GBX1: variants seen among roughly 807,000 people sequenced by gnomAD.
GBX1 encodes gastrulation brain homeobox 1, also known as homeobox protein GBX-1.
A neutral mutation model predicts 22.9 loss-of-function variants in GBX1; 9 were observed. The observed-to-expected ratio is 0.39, with a 90% confidence interval of 0.24 to 0.69. GBX1 has a LOEUF of 0.69. GBX1 is among the 30% of genes least tolerant of loss of function. The pLI is 0.43. For synonymous variants in GBX1, 203 were observed against 227.3 expected, an observed-to-expected ratio of 0.89 and a Z score of 0.96; for missense variants, 494 against 509.2, an observed-to-expected ratio of 0.97 and a Z score of 0.29.
At position 151,149,328 on chromosome 7, in the gene GBX1, T is replaced by C. The variant is rs184506455; in HGVS notation, c.539-186A>G. The stretch of plus-strand genomic sequence containing the variant: ...AGGATGGTATGTCCAGGATATGGAA[T>C]GGGAAGAGGTTTAGGGAAAACAAAG... On this transcript the variant is annotated intron_variant, in intron 1 of 1. Coordinates refer to ENST00000297537, the MANE Select transcript of GBX1 (RefSeq NM_001098834.3). Among the ~76,000 whole-genome samples the C allele has an allele frequency of 7.7e-3, 1,170 of 152,048 alleles. 15 individuals are homozygous for C. Among genetic ancestry groups the C allele is most frequent in the African/African-American group, 0.026 (1,073 of 41,462 alleles).
chr7:151,149,787 G>A, intron 1 of GBX1: 1 of 396,656 alleles, frequency 2.5e-6, no homozygotes, highest in South Asian at 1.8e-5. Context: ...TGCAGTCCCT[G>A]AACCTCATTT....
chr7:151,153,519 G>A (rs2150548134), intron 1 of GBX1, among the ~76,000 whole-genome samples: 1 of 151,460 alleles, frequency 6.6e-6, no homozygotes, highest in Admixed American at 6.6e-5. Context: ...ATAAAAATTT[G>A]CTATTGACTA....
At chr7:151,156,984 C>CCA (rs770480086) in intron 1 of GBX1, among the ~76,000 whole-genome samples, 6 of 50,102 alleles carry the variant, frequency 1.2e-4, no homozygotes, top group African/African-American at 3.5e-4. Flanking sequence ...GACTCTGTCT[C>CCA]AAAAAAAAAA....
At position 151,148,691 on chromosome 7, in the gene GBX1, C is replaced by G. The variant is rs766876227; in HGVS notation, c.990G>C (p.Glu330Asp). ...CAACAATCTTGGGGTTTCTTACGGGCTCCCCAGAACGGCTGCTCACATTGC... is the reference window on the plus strand; with the variant it reads ...CAACAATCTTGGGGTTTCTTACGGGGTCCCCAGAACGGCTGCTCACATTGC... ...KAGNVSSRSG[E>D]PVRNPKIVVP... Residue 330 changes from glutamate to aspartate, a missense_variant, in exon 2 of 2, where the codon GAG (glutamate) becomes GAC (aspartate). Coordinates refer to ENST00000297537, the MANE Select transcript of GBX1 (RefSeq NM_001098834.3). This position sits in a 1 kb window ranked among gnomAD's most constrained non-coding sequence, Gnocchi z 5.1. 1 of 1,614,136 alleles carries G rather than the reference C, an allele frequency of 6.2e-7. No individual in the cohort carries two copies. Among genetic ancestry groups the G allele is most frequent in the Non-Finnish European group, 8.5e-7 (1 of 1,180,028 alleles).
intron 1 of GBX1, among the ~76,000 whole-genome samples, chr7:151,160,993 C>T (rs1172216262): frequency 6.6e-6 from 1 of 152,186 alleles, no homozygotes; most frequent in Non-Finnish European, 1.5e-5. Context: ...TCTCATCATT[C>T]CTGTTTAAAT....
chr7:151,157,589 C>G (rs977185926), intron 1 of GBX1, among the ~76,000 whole-genome samples: 2 of 152,030 alleles, frequency 1.3e-5, no homozygotes, highest in African/African-American at 4.8e-5. Context: ...AGCTGAAGGC[C>G]CATTCTTTTC....
rs1398372470 is a variant in GBX1 at position 151,148,988 on chromosome 7, T to C, written c.693A>G (p.Gly231=). The change falls in exon 2 of 2, where the codon GGA becomes GGG. Residue 231 remains glycine, a synonymous_variant. Coordinates refer to ENST00000297537, the MANE Select transcript of GBX1 (RefSeq NM_001098834.3). The surrounding 1 kb of genome is among the most constrained non-coding windows in gnomAD (Gnocchi z 5.1). ...GGCTTCCCTTTAGCTTCGGTTTAGG[T>C]CCCAGAAGAGCCCCTGGGCCCCCTG... The part of the protein sequence containing the change: ...SSAGGPGALL[G]PKPKLKGSLG... The C allele has an allele frequency of 6.2e-7, 1 of 1,613,750 alleles. No homozygotes were observed. Among genetic ancestry groups the C allele is most frequent in the Admixed American group, 1.7e-5 (1 of 59,984 alleles).
At chr7:151,164,638 C>T (rs1471675249) in intron 1 of GBX1, among the ~76,000 whole-genome samples, 1 of 152,272 alleles carries the variant, frequency 6.6e-6, no homozygotes, top group Non-Finnish European at 1.5e-5. Flanking sequence ...AAACCCTTTA[C>T]ATGTATCTCC....
chr7:151,149,596 G>A (rs1282001037), intron 1 of GBX1, among the ~76,000 whole-genome samples: 1 of 152,174 alleles, frequency 6.6e-6, no homozygotes, highest in African/African-American at 2.4e-5. Context: ...CCCGGCTTGG[G>A]ATCCTTCTGG....
In GBX1 at chr7:151,152,166, A is replaced by G. The variant is rs1204576134; in HGVS notation, c.539-3024T>C. ...CTCAATACAGAGTAGACACTCAATAAGCATCTGTTGACTAAATAAAAGAAA... is the reference window on the plus strand; with the variant it reads ...CTCAATACAGAGTAGACACTCAATAGGCATCTGTTGACTAAATAAAAGAAA... On this transcript the variant is annotated intron_variant, in intron 1 of 1. Transcript: ENST00000297537. Among the ~76,000 whole-genome samples, 6 of 152,220 alleles carry G rather than the reference A, an allele frequency of 3.9e-5. No homozygotes were observed. In the East Asian group the frequency reaches 1.2e-3, roughly 29 times the overall value.
At position 151,167,401 on chromosome 7, in the gene GBX1, T is replaced by C. The variant is rs1469805758; in HGVS notation, c.148A>G (p.Met50Val). ...HLLYTGYPMF[M>V]PYRPLVLPQA... ...GGCAGCACGAGCGGCCGGTAGGGCA[T>C]GAACATGGGGTAGCCGGTGTACAGC... The change falls in exon 1 of 2, where the codon ATG (methionine) becomes GTG (valine). Residue 50 changes from methionine (M) to valine (V), a missense_variant. Met to Val is a conservative substitution (Grantham distance 21). Transcript: ENST00000297537. This position sits in a 1 kb window ranked among gnomAD's most constrained non-coding sequence, Gnocchi z 5.9. 9 of 1,516,764 alleles carry C rather than the reference T, an allele frequency of 5.9e-6. No individual in the cohort carries two copies. The highest frequency in any genetic ancestry group is 7.9e-6 in the Non-Finnish European group (9 of 1,134,112). The allele number at this position is 1,516,764 out of a possible 1,614,324, so 94.0% of individuals were successfully genotyped here. A position where few individuals can be genotyped will look rare whatever the true frequency, so the allele number is the denominator to read the frequency against.
intron 1 of GBX1, 132 bp downstream of exon 1, chr7:151,166,879 G>A (rs1277451779): frequency 1.2e-6 from 1 of 842,796 alleles, no homozygotes; most frequent in African/African-American, 1.8e-5. Flanking sequence ...GTCAGAACCT[G>A]CGCGCGATCT....
chr7:151,152,700 C>T (rs1301843986), intron 1 of GBX1, among the ~76,000 whole-genome samples: 2 of 152,230 alleles, frequency 1.3e-5, no homozygotes, highest in Admixed American at 6.5e-5. Context: ...GGTTCCCGAT[C>T]TGGCAGGGCC....
At position 151,158,863 on chromosome 7, in the gene GBX1, G is replaced by A. The variant is rs553058166; in HGVS notation, c.538+8148C>T. Reference sequence around the variant, plus strand: ...GAGCACCTATTACTTTCAGGATGCTGCACAAATATCTGTGCATTTAATCCT... The same window carrying A: ...GAGCACCTATTACTTTCAGGATGCTACACAAATATCTGTGCATTTAATCCT... On this transcript the variant is annotated intron_variant, in intron 1 of 1. Coordinates refer to ENST00000297537, the MANE Select transcript of GBX1 (RefSeq NM_001098834.3). Among the ~76,000 whole-genome samples the A allele has an allele frequency of 2.6e-5, 4 of 152,218 alleles. No homozygotes were observed. The South Asian group carries it at 6.2e-4, about 24-fold the overall frequency.
Position 151,149,036 on chromosome 7 carries a change from A to G in GBX1, c.645T>C (p.Asp215=), listed in dbSNP as rs770054570. ...EEEGSGGDSE[D]DGFLDSSAGG... is the part of the protein sequence containing the mutation. ...CTGCAGAACTGTCCAGGAAACCGTC[A>G]TCCTCGCTGTCACCGCCTGAGCCCT... Residue 215 remains aspartate (D), a synonymous_variant, in exon 2 of 2, where the codon GAT becomes GAC. Transcript: ENST00000297537. The G allele has an allele frequency of 6.2e-6, 10 of 1,613,848 alleles. No individual in the cohort carries two copies. In the South Asian group the frequency reaches 9.9e-5, roughly 16 times the overall value.
rs762580121 is a variant in GBX1 at position 151,167,132 on chromosome 7, T to C, written c.417A>G (p.Pro139=). Residue 139 remains proline (P), a synonymous_variant, in exon 1 of 2, where the codon CCA becomes CCG. Coordinates refer to ENST00000297537, the MANE Select transcript of GBX1 (RefSeq NM_001098834.3). The surrounding 1 kb of genome is among the most constrained non-coding windows in gnomAD (Gnocchi z 5.9). ...GCCCACCCTCTGGGCGTCGGCCGCC[T>C]GGCTCGGGGTTGTTTCGGGCGGCAG... ...AATAARNNPE[P]GGRRPEGGLE... is the part of the protein sequence containing the mutation. The C allele has an allele frequency of 5.0e-6, 8 of 1,602,668 alleles. No individual in the cohort carries two copies. The highest frequency in any genetic ancestry group is 6.0e-6 in the Non-Finnish European group (7 of 1,176,290).
chr7:151,166,164 G>A (rs1207587358), intron 1 of GBX1, among the ~76,000 whole-genome samples: 1 of 152,094 alleles, frequency 6.6e-6, no homozygotes, highest in Admixed American at 6.6e-5. Context: ...AGGTCAGGAG[G>A]GCTCTAATTG....
intron 1 of GBX1, among the ~76,000 whole-genome samples, chr7:151,165,804 A>C (rs967750225): frequency 6.6e-6 from 1 of 152,214 alleles, no homozygotes; most frequent in African/African-American, 2.4e-5. Context: ...AAGAGTGATT[A>C]ACCCTTTGGA....
intron 1 of GBX1, among the ~76,000 whole-genome samples, chr7:151,162,092 C>G (rs548535038): frequency 9.2e-5 from 14 of 152,348 alleles, no homozygotes; most frequent in African/African-American, 3.4e-4. Context: ...CGTGTCACAA[C>G]TCCTAAACAA....
Sources: gnomAD v4.1 joint callset for allele counts (sites outside exome capture counted in the v4.1 genomes callset) on GRCh38, gnomAD v4.1.1 for gene constraint, Gnocchi (gnomAD v3.1) non-coding constraint, MANE v1.5 for transcripts, NCBI Gene and HGNC (gene_info 2026-07-23, HGNC 2026-07-21) for gene names.